Variants in KCTD3 observed in about 807,000 individuals in gnomAD.
KCTD3 encodes BTB/POZ domain-containing protein KCTD3.
KCTD3 carries 41 observed loss-of-function variants against 85.8 expected under a neutral mutation model. The ratio of observed to expected loss-of-function variants is 0.48; its 90% CI spans 0.37 to 0.62. The LOEUF is 0.62. KCTD3 is among the 20% of genes least tolerant of loss of function. The pLI is 0.00. For synonymous variants in KCTD3, 338 were observed against 345.4 expected (o/e 0.98, Z 0.24); for missense variants, 724 against 989.9 (o/e 0.73, Z 3.60).
At chr1:215,594,339 A>G (rs1429389157) in intron 9 of KCTD3, among the ~76,000 whole-genome samples, 2 of 152,196 alleles carry the variant, frequency 1.3e-5, no homozygotes, top group African/African-American at 4.8e-5. Context: ...GTATAAGGCC[A>G]ATATGCCGCA....
rs755901570 is a variant in KCTD3 at position 215,586,546 on chromosome 1, T to C, written c.678T>C (p.Asp226=). The part of the protein sequence containing the change: ...WQQVFTSPYL[D]WTIERVALNA... ...AAGTGTTTACGAGCCCATATTTGGA[T>C]TGGACTATCGAACGAGTAGCTTTAA... The change falls in exon 9 of 18, where the codon GAT becomes GAC. Residue 226 remains aspartate, a synonymous_variant. Transcript: ENST00000259154. The C allele has an allele frequency of 6.2e-7, 1 of 1,614,120 alleles. No homozygotes were observed. Among genetic ancestry groups the C allele is most frequent in the East Asian group, 2.2e-5 (1 of 44,862 alleles).
chr1:215,592,669 C>T (rs1293664014), intron 9 of KCTD3, among the ~76,000 whole-genome samples: 1 of 152,226 alleles, frequency 6.6e-6, no homozygotes, highest in Non-Finnish European at 1.5e-5. Flanking sequence ...GTAATTTGTT[C>T]ATGCCCTGTA....
At chr1:215,612,883 GA>G (rs1317982378) in intron 15 of KCTD3, among the ~76,000 whole-genome samples, 3 of 152,038 alleles carry the variant, frequency 2.0e-5, no homozygotes, top group African/African-American at 7.2e-5. Flanking sequence ...TATAACCTCA[GA>G]TTTTGCTTCA....
intron 1 of KCTD3, among the ~76,000 whole-genome samples, chr1:215,568,968 T>A (rs1165257273): frequency 6.6e-6 from 1 of 152,080 alleles, no homozygotes; most frequent in Non-Finnish European, 1.5e-5. Context: ...AAAATCACGT[T>A]AAAATATTGG....
At chr1:215,598,015 A>G (rs1571888508) in intron 10 of KCTD3, among the ~76,000 whole-genome samples, 1 of 152,022 alleles carries the variant, frequency 6.6e-6, no homozygotes, top group East Asian at 1.9e-4. Context: ...TTATATATAG[A>G]AATACTAGAT....
chr1:215,568,578 A>C (rs563984053), intron 1 of KCTD3, among the ~76,000 whole-genome samples: 5 of 137,918 alleles, frequency 3.6e-5, no homozygotes, highest in Admixed American at 2.5e-4. Flanking sequence ...CTTATGAGTC[A>C]CTCCTCTCAG....
intron 13 of KCTD3, among the ~76,000 whole-genome samples, chr1:215,604,657 A>ATTTT (rs79700903): frequency 7.5e-6 from 1 of 132,678 alleles, no homozygotes; most frequent in African/African-American, 2.7e-5. Context: ...AGGAGATGTG[A>ATTTT]TTTTTTTTTT....
At chr1:215,605,391 C>T (rs1654975907) in intron 13 of KCTD3, among the ~76,000 whole-genome samples, 1 of 152,130 alleles carries the variant, frequency 6.6e-6, no homozygotes, top group Admixed American at 6.6e-5. Flanking sequence ...AAACATTACT[C>T]CCCTGCCCCA....
At chr1:215,588,397 G>A (rs913531279) in intron 9 of KCTD3, among the ~76,000 whole-genome samples, 1 of 151,574 alleles carries the variant, frequency 6.6e-6, no homozygotes, top group Non-Finnish European at 1.5e-5. Context: ...ACAGACTTTC[G>A]GGAACATAAA....
intron 13 of KCTD3, 32 bp from the exon 14 acceptor site, chr1:215,607,985 T>TTAA: frequency 6.4e-7 from 1 of 1,564,356 alleles, no homozygotes; most frequent in South Asian, 1.2e-5. Flanking sequence ...AAAAGTAATT[T>TTAA]TGTATTCTTT....
intron 8 of KCTD3, 97 bp downstream of exon 8, chr1:215,580,096 T>A (rs1174593940): frequency 1.3e-6 from 1 of 776,220 alleles, no homozygotes; most frequent in African/African-American, 1.8e-5. Context: ...TTTTTTTTAG[T>A]CATCAAGTTT....
Position 215,574,171 on chromosome 1 carries a change from G to C in KCTD3, c.183+53G>C, listed in dbSNP as rs143393679. 1,305 of 1,067,024 alleles carry C rather than the reference G, an allele frequency of 1.2e-3. 13 individuals carry two copies. In the African/African-American group the frequency reaches 0.018, roughly 15 times the overall value. 66.1% of individuals were successfully genotyped at this position (1,067,024 alleles called of 1,614,324 possible). A position where few individuals can be genotyped will look rare whatever the true frequency, so the allele number is the denominator to read the frequency against. On this transcript the variant is annotated intron_variant, in intron 3 of 17. Coordinates refer to ENST00000259154, the MANE Select transcript of KCTD3 (RefSeq NM_016121.5). ...TCCTAAATTAATGCTTATAGTGCTTGGTCCTAACATATAGTTACTCTAAGA... is the reference window on the plus strand; with the variant it reads ...TCCTAAATTAATGCTTATAGTGCTTCGTCCTAACATATAGTTACTCTAAGA...
At chr1:215,590,222 C>T (rs563941118) in intron 9 of KCTD3, among the ~76,000 whole-genome samples, 75 of 152,046 alleles carry the variant, frequency 4.9e-4, no homozygotes, top group African/African-American at 1.5e-3. Flanking sequence ...ACTTAATGAC[C>T]GTTTGTATAT....
At position 215,615,738 on chromosome 1, in the gene KCTD3, A is replaced by C. The variant is rs141928556; in HGVS notation, c.1563-3148A>C. Among the ~76,000 whole-genome samples the C allele has an allele frequency of 2.7e-3, 416 of 152,292 alleles. 3 individuals are homozygous for C. The highest frequency in any genetic ancestry group is 9.6e-3 in the African/African-American group (399 of 41,552). On this transcript the variant is annotated intron_variant, in intron 15 of 17. Transcript: ENST00000259154. ...TTAACAAAAGATAGGCTAGCAAGAG[A>C]AAACATTACAAATTGATTTTATTAT...
At chr1:215,605,922 T>G (rs1655001497) in intron 13 of KCTD3, among the ~76,000 whole-genome samples, 1 of 152,172 alleles carries the variant, frequency 6.6e-6, no homozygotes, top group African/African-American at 2.4e-5. Context: ...CTTTTCCCTC[T>G]CTATGGTACA....
chr1:215,604,134 G>A lies in KCTD3; in HGVS notation c.1141G>A (p.Val381Ile). ...TGTCAACTCTTGACTTTATATAGGT[G>A]TCAGTGGTAACTGGATCGAGATCGC... is the stretch of plus-strand genomic sequence containing the variant. ...LSVYLTPKTS[V>I]SGNWIEIAYG... Residue 381 changes from valine (V) to isoleucine (I), a missense_variant and splice_region_variant, in exon 13 of 18, where the codon GTC (valine) becomes ATC (isoleucine). Coordinates refer to ENST00000259154, the MANE Select transcript of KCTD3 (RefSeq NM_016121.5). 2 of 1,608,962 alleles carry A rather than the reference G, an allele frequency of 1.2e-6. No homozygotes were observed. The highest frequency in any genetic ancestry group is 1.1e-5 in the South Asian group (1 of 90,106).
At chr1:215,574,622 T>A (rs1659502589) in intron 3 of KCTD3, among the ~76,000 whole-genome samples, 1 of 152,214 alleles carries the variant, frequency 6.6e-6, no homozygotes, top group African/African-American at 2.4e-5. Context: ...CAATGGTATT[T>A]ATTTGCTGTG....
At chr1:215,602,226 AT>A in intron 12 of KCTD3, 25 bp downstream of exon 12, 1 of 1,113,100 alleles carries the variant, frequency 9.0e-7, no homozygotes, top group Non-Finnish European at 1.3e-6. Flanking sequence ...AATTATATAC[AT>A]TCTTGACTTT....
At chr1:215,611,011 A>G (rs1298674899) in intron 14 of KCTD3, among the ~76,000 whole-genome samples, 1 of 151,974 alleles carries the variant, frequency 6.6e-6, no homozygotes, top group African/African-American at 2.4e-5. Flanking sequence ...AATACTTTTT[A>G]TGAATTGTAA....
Sources: allele counts gnomAD v4.1 joint callset (sites outside exome capture counted in the v4.1 genomes callset), GRCh38; gene constraint gnomAD v4.1.1; transcripts MANE v1.5; gene names NCBI Gene and HGNC (gene_info 2026-07-23, HGNC 2026-07-21).